The following DDX20 variants were observed in gnomAD, a reference collection of about 807,000 sequenced individuals.
The protein encoded by DDX20 is probable ATP-dependent RNA helicase DDX20.
DDX20 carries 61 observed loss-of-function variants against 76.4 expected under a neutral mutation model. The observed-to-expected ratio is 0.80, with a 90% CI of 0.65 to 0.99. DDX20 has a LOEUF of 0.99. Among genes scored for constraint, DDX20 ranks in the 50% least tolerant of loss-of-function variants. The probability of loss-of-function intolerance (pLI) is 0.00; values close to 1 mark genes in which losing one functional copy is unlikely to be tolerated. For synonymous variants in DDX20, 357 were observed against 357.4 expected (o/e 1.00, Z 0.01); for missense variants, 976 against 996.8 (o/e 0.98, Z 0.28).
At position 111,766,534 on chromosome 1, in the gene DDX20, G is replaced by A. The variant is rs755371316; in HGVS notation, c.2110G>A (p.Asp704Asn). 6.2e-7 allele frequency: 1 copy of A among 1,614,008 alleles called. No homozygotes were observed. Among genetic ancestry groups the A allele is most frequent in the Admixed American group, 1.7e-5 (1 of 59,998 alleles). Residue 704 changes from aspartate (D) to asparagine (N), a missense_variant, in exon 11 of 11, where the codon GAC becomes AAC. By Grantham distance (23) the Asp-to-Asn change is conservative (BLOSUM62 1). Transcript: ENST00000369702. The part of the protein sequence containing the change: ...ISLEQPPNGS[D>N]TPNPEKYQES... The stretch of plus-strand genomic sequence containing the variant: ...TTTGGAACAACCACCAAATGGAAGT[G>A]ACACCCCCAATCCAGAGAAATATCA...
rs773568482 is a variant in DDX20, at chr1:111,766,125, T to C, written c.1701T>C (p.Ala567=). 1.2e-6 allele frequency: 2 copies of C among 1,614,172 alleles called. No homozygotes were observed. The highest frequency in any genetic ancestry group is 1.7e-6 in the Non-Finnish European group (2 of 1,180,028). Residue 567 remains alanine (A), a synonymous_variant, in exon 11 of 11, where the codon GCT becomes GCC. Transcript: ENST00000369702. ...STNSQHQVKE[A]LPVSLPQIPC... ...ACAGTCAGCACCAGGTCAAAGAAGC[T>C]TTACCTGTGTCACTCCCCCAGATTC...
chr1:111,756,982 T>G (rs1293558553), intron 2 of DDX20, among the ~76,000 whole-genome samples: 1 of 152,202 alleles, frequency 6.6e-6, no homozygotes, highest in African/African-American at 2.4e-5. Flanking sequence ...ACTTACTGAC[T>G]AGATTAATGT....
intron 3 of DDX20, among the ~76,000 whole-genome samples, chr1:111,760,149 C>T (rs1663643006): frequency 6.6e-6 from 1 of 152,096 alleles, no homozygotes; most frequent in Admixed American, 6.5e-5. Context: ...CCCTTCTAAG[C>T]CATGGATTGG....
intron 2 of DDX20, 49 bp from the exon 3 acceptor site, chr1:111,759,351 A>G (rs1404556960): frequency 1.5e-6 from 2 of 1,376,438 alleles, no homozygotes; most frequent in African/African-American, 1.5e-5. Flanking sequence ...CCAGTCCCCT[A>G]TGTATTTATT....
rs371437342 is a variant in DDX20 at position 111,758,081 on chromosome 1, CTCCTGACCTCA to C, written c.397-1318_397-1308del. ...CCATGTCGGCCAGGCTGGTCTCAAA[CTCCTGACCTCA>C]GGTAATCCACCTGCCTCAGCCTCCC... On this transcript the variant is annotated intron_variant, in intron 2 of 10. Coordinates refer to ENST00000369702, the MANE Select transcript of DDX20 (RefSeq NM_007204.5). Among the ~76,000 whole-genome samples, 964 of 152,290 alleles carry C rather than the reference CTCCTGACCTCA, an allele frequency of 6.3e-3. 4 individuals carry two copies. The highest frequency in any genetic ancestry group is 0.011 in the Non-Finnish European group (760 of 68,030).
In DDX20 at chr1:111,760,505, C is replaced by G. The variant is rs758763873; in HGVS notation, c.597C>G (p.Tyr199Ter). Residue 199 changes from tyrosine to a stop codon, truncating the protein, a stop_gained, in exon 4 of 11, where the codon TAC becomes TAG. Transcript: ENST00000369702. LOFTEE classifies it high-confidence loss of function. Reference protein sequence around the residue: ...GRIKQLIELDYLNPGSIRLFI... With the variant: ...GRIKQLIELD Reference sequence around the variant, plus strand: ...TTAAGCAACTCATAGAACTTGACTACTTGAACCCAGGCAGTATACGCCTCT... The same window carrying G: ...TTAAGCAACTCATAGAACTTGACTAGTTGAACCCAGGCAGTATACGCCTCT... 10 of 1,607,820 alleles carry G rather than the reference C, an allele frequency of 6.2e-6. No homozygotes were observed. The highest frequency in any genetic ancestry group is 7.6e-6 in the Non-Finnish European group (9 of 1,178,414).
intron 1 of DDX20, 105 bp from the exon 2 acceptor site, chr1:111,756,541 A>G: frequency 1.1e-6 from 1 of 943,620 alleles, no homozygotes; most frequent in Non-Finnish European, 1.7e-6. Context: ...TGAAGGTGCC[A>G]ACTAGGGGAA....
In DDX20 at chr1:111,761,472, G is replaced by A. The variant is rs76371688; in HGVS notation, c.1021+188G>A. 345 of 518,624 alleles carry A rather than the reference G, an allele frequency of 6.7e-4. 1 individual carries two copies. Among genetic ancestry groups the A allele is most frequent in the African/African-American group, 5.9e-3 (302 of 51,362 alleles). 32.1% of individuals were successfully genotyped at this position (518,624 alleles called of 1,614,324 possible). On this transcript the variant is annotated intron_variant, in intron 7 of 10. Transcript: ENST00000369702. ...TATGTCAATATTCTATTTTTAAGGAGTAACTTGGTATATAGTAAAAAGTTA... is the reference window on the plus strand; with the variant it reads ...TATGTCAATATTCTATTTTTAAGGAATAACTTGGTATATAGTAAAAAGTTA...
Position 111,767,369 on chromosome 1 carries a change from G to C in DDX20, c.*470G>C, listed in dbSNP as rs1317163954. On this transcript the variant is annotated 3_prime_UTR_variant, in exon 11 of 11. Transcript: ENST00000369702. ...CATGGTAGATCAGAAAATCCTCTTA[G>C]GTTTTAGGCAGGAAGGAATATTTAA... 2 of 152,602 alleles carry C rather than the reference G, an allele frequency of 1.3e-5. No homozygotes were observed. Among genetic ancestry groups the C allele is most frequent in the Non-Finnish European group, 2.9e-5 (2 of 68,436 alleles). 9.5% of individuals were successfully genotyped at this position (152,602 alleles called of 1,614,324 possible).
chr1:111,756,268 G>GT, intron 1 of DDX20, 43 bp downstream of exon 1: 2 of 739,114 alleles, frequency 2.7e-6, no homozygotes, highest in Non-Finnish European at 3.9e-6. Flanking sequence ...TGGGGTGGGA[G>GT]AAGGGGGACC....
At chr1:111,756,350 T>C (rs1663553723) in intron 1 of DDX20, 125 bp downstream of exon 1, 14 of 971,132 alleles carry the variant, frequency 1.4e-5, no homozygotes, top group Non-Finnish European at 2.0e-5. Flanking sequence ...AGCAGGGCCC[T>C]GCCGGGGGCT....
chr1:111,763,396 A>G (rs1290490383), intron 10 of DDX20, among the ~76,000 whole-genome samples: 4 of 151,936 alleles, frequency 2.6e-5, no homozygotes, highest in Admixed American at 2.6e-4. Context: ...ATGTGGTGAA[A>G]CCTCTTCTCT....
intron 10 of DDX20, 81 bp downstream of exon 10, chr1:111,763,088 G>A (rs1350847229): frequency 2.6e-6 from 3 of 1,144,034 alleles, no homozygotes; most frequent in Non-Finnish European, 1.3e-6. Flanking sequence ...AGCTAACAGA[G>A]TGCTTATGAT....
At chr1:111,765,389 TCAGAAGTATTGAGATAAA>T (rs1445892412) in intron 10 of DDX20, among the ~76,000 whole-genome samples, 12 of 152,202 alleles carry the variant, frequency 7.9e-5, no homozygotes, top group Admixed American at 3.9e-4. Flanking sequence ...TGTTTTGCTG[TCAGAAGTATTGAGATAAA>T]GGGGAGGGGC....
chr1:111,757,908 T>G (rs1571609072), intron 2 of DDX20, among the ~76,000 whole-genome samples: 1 of 152,358 alleles, frequency 6.6e-6, no homozygotes. Context: ...CAGGCTGGAG[T>G]CAGTGGCACA....
At chr1:111,764,171 T>C (rs1663729113) in intron 10 of DDX20, among the ~76,000 whole-genome samples, 1 of 151,920 alleles carries the variant, frequency 6.6e-6, no homozygotes, top group South Asian at 2.1e-4. Flanking sequence ...TAGTCCCAGC[T>C]ACTTGGAAGG....
chr1:111,763,244 C>T lies in DDX20; in HGVS notation c.1312+237C>T, dbSNP rs577993549. The stretch of plus-strand genomic sequence containing the variant: ...AAGGTGTTACAGCTAGTAAGTAGCA[C>T]GGAGAGGAGTGCAAGCTAACCACTG... On this transcript the variant is annotated intron_variant, in intron 10 of 10. Transcript: ENST00000369702. Among the ~76,000 whole-genome samples the T allele has an allele frequency of 6.4e-4, 98 of 152,172 alleles. No individual in the cohort carries two copies. The South Asian group carries it at 0.019, about 29-fold the overall frequency.
chr1:111,756,145 T>G lies in DDX20; in HGVS notation c.221T>G (p.Leu74Arg). The stretch of plus-strand genomic sequence containing the variant: ...TCACTGCTGCTTTCGCGGCCGGTGC[T>G]GGAGGGGCTGCGGGCGGCCGGCTTC... ...FESLLLSRPVLEGLRAAGFER... is the reference protein window; with the variant it reads ...FESLLLSRPVREGLRAAGFER... The change falls in exon 1 of 11, where the codon CTG becomes CGG. Residue 74 changes from leucine to arginine, a missense_variant. Leu to Arg is a moderately radical substitution (Grantham distance 102, BLOSUM62 -2). Transcript: ENST00000369702. The G allele has an allele frequency of 1.9e-6, 3 of 1,570,366 alleles. No homozygotes were observed. The highest frequency in any genetic ancestry group is 2.6e-6 in the Non-Finnish European group (3 of 1,166,364).
chr1:111,760,739 G>A lies in DDX20; in HGVS notation c.714G>A (p.Gln238=), dbSNP rs1663656373. The A allele has an allele frequency of 6.2e-7, 1 of 1,613,248 alleles. No individual in the cohort carries two copies. ...WIYSSLPASK[Q]MLAVSATYPE... is the part of the protein sequence containing the mutation. ...ATTCTTCCTTGCCTGCCAGTAAACA[G>A]ATGCTGGCAGTATCAGCTACTTATC... Residue 238 remains glutamine (Q), a synonymous_variant, in exon 5 of 11, where the codon CAG becomes CAA. Transcript: ENST00000369702.
Sources: allele counts gnomAD v4.1 joint callset (sites outside exome capture counted in the v4.1 genomes callset), GRCh38; gene constraint gnomAD v4.1.1; transcripts MANE v1.5; gene names NCBI Gene and HGNC (gene_info 2026-07-23, HGNC 2026-07-21).